The following WDR41 variants were observed in gnomAD, a reference collection of about 807,000 sequenced individuals.
WDR41 encodes WD repeat domain 41, also known as WD repeat-containing protein 41.
A neutral mutation model predicts 69.3 loss-of-function variants in WDR41; 63 were observed. The ratio of observed to expected loss-of-function variants is 0.91; its 90% CI spans 0.74 to 1.12. The LOEUF is 1.12. Among genes scored for constraint, WDR41 ranks in the 50% most tolerant of loss-of-function variants. The probability of loss-of-function intolerance (pLI) is 0.00; values close to 1 mark genes in which losing one functional copy is unlikely to be tolerated. For missense variants in WDR41, 543 were observed against 534.5 expected (o/e 1.02, Z -0.16); for synonymous variants, 185 against 192.1 (o/e 0.96, Z 0.31).
chr5:77,576,570 CTCTT>C (rs1743836900), intron 1 of WDR41, among the ~76,000 whole-genome samples: 2 of 152,294 alleles, frequency 1.3e-5, no homozygotes, highest in African/African-American at 4.8e-5. Context: ...CTTCTTGAAT[CTCTT>C]TCTCACACCA....
At chr5:77,511,853 C>T (rs757089128) in intron 1 of WDR41, among the ~76,000 whole-genome samples, 3 of 151,866 alleles carry the variant, frequency 2.0e-5, no homozygotes, top group African/African-American at 7.3e-5. Context: ...AGTTAAGTTT[C>T]GATTCTTACC....
chr5:77,470,458 G>C (rs550207690), intron 2 of WDR41, among the ~76,000 whole-genome samples: 19 of 149,770 alleles, frequency 1.3e-4, no homozygotes, highest in Admixed American at 6.0e-4. Context: ...TGGGCTAAAT[G>C]CTCCAATTAA....
chr5:77,462,333 C>A (rs1448794748), intron 4 of WDR41, among the ~76,000 whole-genome samples: 1 of 145,462 alleles, frequency 6.9e-6, no homozygotes, highest in African/African-American at 2.6e-5. Flanking sequence ...CGCTTGAACC[C>A]AGGAGGCAGA....
intron 2 of WDR41, among the ~76,000 whole-genome samples, chr5:77,484,233 T>C (rs1801410115): frequency 6.6e-6 from 1 of 151,972 alleles, no homozygotes; most frequent in Admixed American, 6.6e-5. Flanking sequence ...CAGCTACAGC[T>C]CCAAAACACA....
intron 1 of WDR41, among the ~76,000 whole-genome samples, chr5:77,612,449 T>A (rs1229372429): frequency 6.6e-6 from 1 of 152,156 alleles, no homozygotes; most frequent in Non-Finnish European, 1.5e-5. Context: ...TCCACCATGA[T>A]CAAGTGGGCT....
chr5:77,492,305 T>G lies in WDR41; in HGVS notation c.-85A>C. 6.4e-7 allele frequency: 1 copy of G among 1,569,976 alleles called. No homozygotes were observed. The highest frequency in any genetic ancestry group is 8.7e-7 in the Non-Finnish European group (1 of 1,154,392). On this transcript the variant is annotated 5_prime_UTR_variant, in exon 1 of 13. Transcript: ENST00000296679. ...CTCGGCCTCCTCCTTCCTCCCCGGC[T>G]GCAGCGCAACTGAGACGCTAATACT...
chr5:77,440,809 T>C lies in WDR41; in HGVS notation c.882+4A>G, dbSNP rs772245990. 30 of 1,613,860 alleles carry C rather than the reference T, an allele frequency of 1.9e-5. No individual in the cohort carries two copies. The highest frequency in any genetic ancestry group is 2.5e-5 in the Non-Finnish European group (30 of 1,179,824). ...AGTTTATAGATAGTGTATACATTTT[T>C]TACCTCTTCATCACATGTGAAATGA... On this transcript the variant is annotated splice_donor_region_variant and intron_variant, in intron 9 of 12. Transcript: ENST00000296679.
At chr5:77,492,026 T>G in intron 1 of WDR41, 144 bp downstream of exon 1, 4 of 1,072,694 alleles carry the variant, frequency 3.7e-6, no homozygotes, top group Non-Finnish European at 5.2e-6. Flanking sequence ...CCCACCGTCG[T>G]GAGAACAGCG....
At chr5:77,558,094 TAAAAAAAAAAAA>T (rs71608105) in intron 1 of WDR41, among the ~76,000 whole-genome samples, 2 of 104,282 alleles carry the variant, frequency 1.9e-5, no homozygotes, top group South Asian at 5.9e-4. Context: ...ATGTTCTTTT[TAAAAAAAAAAAA>T]AAAAAAAAAA....
chr5:77,558,097 A>T (rs1213829246), intron 1 of WDR41, among the ~76,000 whole-genome samples: 1 of 110,028 alleles, frequency 9.1e-6, no homozygotes, highest in African/African-American at 3.9e-5. Flanking sequence ...TTCTTTTTAA[A>T]AAAAAAAAAA....
intron 1 of WDR41, among the ~76,000 whole-genome samples, chr5:77,543,316 T>C (rs927310516): frequency 1.3e-5 from 2 of 152,120 alleles, no homozygotes; most frequent in Admixed American, 1.3e-4. Context: ...ATCCCTGATT[T>C]ACCTGAAAAA....
intron 1 of WDR41, among the ~76,000 whole-genome samples, chr5:77,549,162 G>T (rs186850295): frequency 1.8e-4 from 28 of 152,198 alleles, no homozygotes; most frequent in African/African-American, 6.7e-4. Flanking sequence ...AAGGATAAAA[G>T]ACTACAAATA....
intron 2 of WDR41, among the ~76,000 whole-genome samples, chr5:77,468,891 T>C (rs905721393): frequency 3.4e-5 from 5 of 145,448 alleles, no homozygotes; most frequent in African/African-American, 7.8e-5. Flanking sequence ...ATAGCACAAC[T>C]GCTTGATATA....
chr5:77,583,840 T>A (rs1054105808), intron 1 of WDR41, among the ~76,000 whole-genome samples: 1 of 152,078 alleles, frequency 6.6e-6, no homozygotes, highest in Non-Finnish European at 1.5e-5. Flanking sequence ...TCTTTATAAA[T>A]ATGGATGCAA....
intron 1 of WDR41, among the ~76,000 whole-genome samples, chr5:77,566,495 A>T (rs1290421729): frequency 6.6e-6 from 1 of 152,022 alleles, no homozygotes; most frequent in Non-Finnish European, 1.5e-5. Context: ...CCTTACCCAA[A>T]CTGTCCATTC....
chr5:77,528,427 C>A (rs978774176), intron 1 of WDR41, among the ~76,000 whole-genome samples: 1 of 151,552 alleles, frequency 6.6e-6, no homozygotes, highest in African/African-American at 2.4e-5. Flanking sequence ...GGCCAGGTGG[C>A]TTCCCAGGCT....
chr5:77,602,973 C>T (rs1215505948), intron 1 of WDR41, among the ~76,000 whole-genome samples: 2 of 145,980 alleles, frequency 1.4e-5, no homozygotes, highest in Non-Finnish European at 3.0e-5. Flanking sequence ...GAGTCTCGCT[C>T]TGTGGCCCAG....
At chr5:77,563,370 C>T (rs1317169835) in intron 1 of WDR41, among the ~76,000 whole-genome samples, 4 of 152,116 alleles carry the variant, frequency 2.6e-5, no homozygotes, top group African/African-American at 4.8e-5. Context: ...TAAGACCCCT[C>T]TACAGCCAAC....
At chr5:77,435,215 A>C (rs924075676) in intron 12 of WDR41, among the ~76,000 whole-genome samples, 5 of 152,190 alleles carry the variant, frequency 3.3e-5, no homozygotes, top group African/African-American at 1.2e-4. Flanking sequence ...CCCCAACATC[A>C]AGGAGCTTAT....
Sources: gnomAD v4.1 joint callset for allele counts (sites outside exome capture counted in the v4.1 genomes callset) on GRCh38, gnomAD v4.1.1 for gene constraint, MANE v1.5 for transcripts, NCBI Gene and HGNC (gene_info 2026-07-23, HGNC 2026-07-21) for gene names.